The following RAB38 variants were observed in gnomAD, a reference collection of about 807,000 sequenced individuals.
The protein encoded by RAB38 is RAB38, member RAS oncogene family.
A neutral mutation model predicts 18.4 loss-of-function variants in RAB38; 15 were observed. That is an observed-to-expected ratio of 0.82 (90% CI 0.55 to 1.26). The LOEUF is 1.26. Among genes scored for constraint, RAB38 ranks in the 50% most tolerant of loss-of-function variants. RAB38 has a pLI of 0.00. For synonymous variants in RAB38, 101 were observed against 104.4 expected, an observed-to-expected ratio of 0.97 and a Z score of 0.20; for missense variants, 294 against 267.4, an observed-to-expected ratio of 1.10 and a Z score of -0.69.
the RAB38 span, among the ~76,000 whole-genome samples, chr11:87,976,436 A>T: frequency 1.5e-5 from 2 of 132,234 alleles, no homozygotes; most frequent in African/African-American, 5.5e-5. Context: ...TTATGCATTT[A>T]TATTTTTTAT....
the RAB38 span, among the ~76,000 whole-genome samples, chr11:88,045,762 G>A: frequency 2.0e-5 from 3 of 152,066 alleles, no homozygotes; most frequent in Admixed American, 1.3e-4. Context: ...TAATCAATAC[G>A]AAGGCTACCC....
At chr11:88,114,814 A>G (rs1399871081) in intron 2 of RAB38, among the ~76,000 whole-genome samples, 2 of 152,216 alleles carry the variant, frequency 1.3e-5, no homozygotes, top group African/African-American at 4.8e-5. Flanking sequence ...GTGAGAATCA[A>G]GTAGAGGCAA....
chr11:87,935,711 C>A, the RAB38 span, among the ~76,000 whole-genome samples: 2 of 151,994 alleles, frequency 1.3e-5, no homozygotes, highest in African/African-American at 4.8e-5. Flanking sequence ...ATTTCCATTA[C>A]CATAAGGATC....
the RAB38 span, among the ~76,000 whole-genome samples, chr11:87,819,815 T>A: frequency 1.3e-5 from 2 of 149,888 alleles, no homozygotes; most frequent in Non-Finnish European, 3.0e-5. Flanking sequence ...TATATATATA[T>A]CCATCCATAT....
chr11:87,941,214 G>GATAGATATATATATATATATATAT, the RAB38 span, among the ~76,000 whole-genome samples: 4 of 62,552 alleles, frequency 6.4e-5, no homozygotes, highest in Non-Finnish European at 1.1e-4. Flanking sequence ...AAATATATGA[G>GATAGATATATATATATATATATAT]ATATATATAT....
the RAB38 span, among the ~76,000 whole-genome samples, chr11:87,937,974 T>C: frequency 6.6e-6 from 1 of 151,998 alleles, no homozygotes; most frequent in African/African-American, 2.4e-5. Context: ...ATCTTTTTTA[T>C]TCACTTTCAG....
chr11:88,164,910 C>A (rs1447093014), intron 1 of RAB38, among the ~76,000 whole-genome samples: 1 of 151,970 alleles, frequency 6.6e-6, no homozygotes, highest in Non-Finnish European at 1.5e-5. Context: ...TACCAACAAG[C>A]ACTACAGCTA....
chr11:88,009,799 T>C, the RAB38 span, among the ~76,000 whole-genome samples: 1 of 152,192 alleles, frequency 6.6e-6, no homozygotes, highest in Non-Finnish European at 1.5e-5. Context: ...TGGACTATAA[T>C]AGAGCATTTT....
At chr11:87,973,881 A>G in the RAB38 span, among the ~76,000 whole-genome samples, 4 of 151,958 alleles carry the variant, frequency 2.6e-5, no homozygotes, top group African/African-American at 4.8e-5. Context: ...CCACATTAAG[A>G]GTCACCCCAT....
the RAB38 span, among the ~76,000 whole-genome samples, chr11:87,878,222 T>TATATATATATATACATAC: frequency 8.6e-6 from 1 of 116,154 alleles, no homozygotes; most frequent in African/African-American, 4.5e-5. Context: ...TATATATATA[T>TATATATATATATACATAC]ACACACATAT....
At chr11:88,067,946 T>C in the RAB38 span, among the ~76,000 whole-genome samples, 9 of 146,774 alleles carry the variant, frequency 6.1e-5, no homozygotes, top group East Asian at 3.9e-4. Context: ...CACATATATA[T>C]ACATATATAT....
chr11:87,949,401 C>G, the RAB38 span, among the ~76,000 whole-genome samples: 1 of 152,108 alleles, frequency 6.6e-6, no homozygotes, highest in East Asian at 1.9e-4. Flanking sequence ...CAGTTCTGCT[C>G]TGATCTTAGT....
chr11:87,904,950 A>G, the RAB38 span, among the ~76,000 whole-genome samples: 1 of 151,640 alleles, frequency 6.6e-6, no homozygotes, highest in Non-Finnish European at 1.5e-5. Context: ...TTATTTCTTT[A>G]CATATTTTTC....
At chr11:87,848,245 C>A in the RAB38 span, among the ~76,000 whole-genome samples, 2 of 152,170 alleles carry the variant, frequency 1.3e-5, no homozygotes, top group African/African-American at 4.8e-5. Context: ...TTCCAAAGGA[C>A]AGCCAGCATC....
chr11:88,055,276 T>G, the RAB38 span, among the ~76,000 whole-genome samples: 1 of 152,304 alleles, frequency 6.6e-6, no homozygotes, highest in East Asian at 1.9e-4. Context: ...ATAAATAGTA[T>G]TTAAACTGTA....
chr11:87,947,715 T>C, the RAB38 span, among the ~76,000 whole-genome samples: 1 of 152,124 alleles, frequency 6.6e-6, no homozygotes, highest in African/African-American at 2.4e-5. Context: ...GTGGTATTAT[T>C]TGAGGGCTCT....
the RAB38 span, among the ~76,000 whole-genome samples, chr11:87,859,174 TA>T: frequency 1.1e-4 from 16 of 151,732 alleles, no homozygotes; most frequent in African/African-American, 3.6e-4. Context: ...AATAAAATTT[TA>T]AAAATAGGAA....
At chr11:88,014,834 G>A in the RAB38 span, among the ~76,000 whole-genome samples, 19 of 152,222 alleles carry the variant, frequency 1.2e-4, no homozygotes, top group East Asian at 1.7e-3. Flanking sequence ...ACAACCCTCA[G>A]GGCACTACTG....
At chr11:88,014,420 G>A in the RAB38 span, among the ~76,000 whole-genome samples, 1 of 152,022 alleles carries the variant, frequency 6.6e-6, no homozygotes, top group South Asian at 2.1e-4. Flanking sequence ...ATACAACAAG[G>A]CTATTTGGTA....
Sources: allele counts gnomAD v4.1 joint callset (sites outside exome capture counted in the v4.1 genomes callset), GRCh38; gene constraint gnomAD v4.1.1; transcripts MANE v1.5; gene names NCBI Gene and HGNC (gene_info 2026-07-23, HGNC 2026-07-21).